The following COPG2 variants were observed in gnomAD, a reference collection of about 807,000 sequenced individuals.
COPG2 encodes coatomer subunit gamma-2.
In COPG2, 37 loss-of-function variants were observed where a neutral mutation model predicts 46.3. The ratio of observed to expected loss-of-function variants is 0.80; its 90% confidence interval spans 0.61 to 1.05. COPG2 has a LOEUF of 1.05. Among genes scored for constraint, COPG2 ranks in the 50% least tolerant of loss-of-function variants. The pLI, the probability that COPG2 is intolerant of heterozygous loss-of-function variation, is 0.00. For synonymous variants in COPG2, 159 were observed against 129.7 expected (o/e 1.23, Z -1.53); for missense variants, 427 against 387.8 (o/e 1.10, Z -0.85).
intron 9 of COPG2, chr7:130,564,621 A>C (rs947708337): frequency 2.9e-6 from 1 of 349,786 alleles, no homozygotes; most frequent in Non-Finnish European, 5.1e-6. Flanking sequence ...CTGAACATCT[A>C]TTTAAGAAAA....
chr7:130,531,232 A>G (rs1799822250), intron 20 of COPG2, among the ~76,000 whole-genome samples: 3 of 151,170 alleles, frequency 2.0e-5, no homozygotes, highest in African/African-American at 7.3e-5. Context: ...AGCCCCCAGC[A>G]TTGAGAACAC....
At chr7:130,576,404 C>T (rs1324612464) in intron 9 of COPG2, among the ~76,000 whole-genome samples, 1 of 152,140 alleles carries the variant, frequency 6.6e-6, no homozygotes, top group Non-Finnish European at 1.5e-5. Context: ...TGGAAATCAA[C>T]TCCAAAAGGA....
chr7:130,666,790 G>GA (rs1405525059), intron 3 of COPG2, 59 bp downstream of exon 3: 33 of 754,298 alleles, frequency 4.4e-5, no homozygotes, highest in Non-Finnish European at 6.4e-5. Flanking sequence ...GTATTTCACT[G>GA]AATCTTCAGT....
intron 20 of COPG2, among the ~76,000 whole-genome samples, chr7:130,534,164 A>T (rs987282294): frequency 3.3e-4 from 50 of 152,272 alleles, no homozygotes; most frequent in African/African-American, 1.2e-3. Flanking sequence ...GAGCCTGGGC[A>T]TTTTTGCAAA....
At chr7:130,547,998 G>C (rs1793472831) in intron 19 of COPG2, among the ~76,000 whole-genome samples, 153 bp from the exon 20 acceptor site, 1 of 152,190 alleles carries the variant, frequency 6.6e-6, no homozygotes, top group African/African-American at 2.4e-5. Flanking sequence ...AACAGGGAGA[G>C]CCTTATTCTT....
intron 9 of COPG2, among the ~76,000 whole-genome samples, chr7:130,568,334 G>A (rs952157678): frequency 6.6e-6 from 1 of 152,020 alleles, no homozygotes; most frequent in Admixed American, 6.6e-5. Context: ...TAACACATAA[G>A]GACTCACATA....
At chr7:130,609,030 C>G (rs573847661) in intron 9 of COPG2, among the ~76,000 whole-genome samples, 1 of 152,190 alleles carries the variant, frequency 6.6e-6, no homozygotes, top group South Asian at 2.1e-4. Flanking sequence ...GCCTGCGTCA[C>G]CATGCCTGGC....
rs972902021 is a variant in COPG2, at chr7:130,548,561, G to A, written c.1838-19C>T. On this transcript the variant is annotated intron_variant, in intron 18 of 23. Coordinates refer to ENST00000425248, the MANE Select transcript of COPG2 (RefSeq NM_012133.6). ...AATTGTTCTATCAAGAAAAAAGAAC[G>A]TAGGCTATGAAGAAGACAGGGAAAG... 1,193 of 398,478 alleles carry A rather than the reference G, an allele frequency of 3.0e-3. 15 individuals carry two copies. The highest frequency in any genetic ancestry group is 2.7e-4 in the Non-Finnish European group (62 of 225,982). The allele number at this position is 398,478 out of a possible 1,614,324, so 24.7% of individuals were successfully genotyped here. A position where few individuals can be genotyped will look rare whatever the true frequency, so the allele number is the denominator to read the frequency against.
At position 130,633,048 on chromosome 7, in the gene COPG2, T is replaced by G. The variant is rs545145155; in HGVS notation, c.324-15983A>C. Among the ~76,000 whole-genome samples, 15 of 152,340 alleles carry G rather than the reference T, an allele frequency of 9.8e-5. 2 individuals are homozygous for G. In the South Asian group the frequency reaches 2.9e-3, roughly 29 times the overall value. ...CTGAGAATGATGGTTTCCAGCTTTA[T>G]CCATGTCCCTGCAAAGGACATGAAC... On this transcript the variant is annotated intron_variant, in intron 5 of 23. Transcript: ENST00000425248.
chr7:130,599,642 G>GA (rs1258795762), intron 9 of COPG2, among the ~76,000 whole-genome samples: 12 of 144,502 alleles, frequency 8.3e-5, no homozygotes, highest in African/African-American at 1.3e-4. Flanking sequence ...TTCACTAGAA[G>GA]AAAAAAAAAA....
At chr7:130,573,417 C>T (rs1399496889) in intron 9 of COPG2, among the ~76,000 whole-genome samples, 2 of 151,930 alleles carry the variant, frequency 1.3e-5, no homozygotes. Flanking sequence ...GTACAATCTC[C>T]CTTCTACCAA....
At chr7:130,509,033 A>C (rs782060538) in intron 20 of COPG2, 2 of 477,926 alleles carry the variant, frequency 4.2e-6, no homozygotes, top group African/African-American at 2.0e-5. Flanking sequence ...CTGACCAAAA[A>C]AAAAAACAAA....
intron 20 of COPG2, among the ~76,000 whole-genome samples, chr7:130,520,341 G>A (rs1422286360): frequency 2.0e-5 from 3 of 152,128 alleles, no homozygotes; most frequent in Non-Finnish European, 4.4e-5. Context: ...AAAGGAAAAG[G>A]GAGAGGAGAA....
intron 20 of COPG2, among the ~76,000 whole-genome samples, chr7:130,513,402 T>TAC (rs1563034292): frequency 1.5e-5 from 2 of 131,102 alleles, no homozygotes; most frequent in Non-Finnish European, 3.2e-5. Context: ...TATATATATA[T>TAC]ACACATATAC....
chr7:130,645,834 C>T (rs1554458094), intron 5 of COPG2, among the ~76,000 whole-genome samples: 1 of 152,148 alleles, frequency 6.6e-6, no homozygotes, highest in Admixed American at 6.5e-5. Flanking sequence ...TCTAAATACT[C>T]TCATAATAAG....
At position 130,621,215 on chromosome 7, in the gene COPG2, G is replaced by A. The variant is rs577287017; in HGVS notation, c.324-4150C>T. 7.2e-5 allele frequency among the ~76,000 whole-genome samples: 11 copies of A among 152,326 alleles called. No homozygotes were observed. The South Asian group carries it at 2.3e-3, about 32-fold the overall frequency. On this transcript the variant is annotated intron_variant, in intron 5 of 23. Transcript: ENST00000425248. Reference sequence around the variant, plus strand: ...GATTTTGCCCTAGAGCCTGCAGAAGGAACCTGCTCTGCCTATACTTCTGAC... The same window carrying A: ...GATTTTGCCCTAGAGCCTGCAGAAGAAACCTGCTCTGCCTATACTTCTGAC...
chr7:130,558,110 T>G (rs1793661121), intron 12 of COPG2, among the ~76,000 whole-genome samples: 1 of 152,100 alleles, frequency 6.6e-6, no homozygotes, highest in Non-Finnish European at 1.5e-5. Flanking sequence ...CTTTCAGCTT[T>G]CCCGTCTACA....
rs1420429897 is a variant in COPG2, at chr7:130,513,305, AAAAATATATATATATATAT to A, written c.2150-4665_2150-4647del. 7.5e-3 allele frequency among the ~76,000 whole-genome samples: 375 copies of A among 50,020 alleles called. 12 individuals are homozygous for A. Among genetic ancestry groups the A allele is most frequent in the African/African-American group, 0.031 (354 of 11,428 alleles). The allele number at this position is 50,020 out of a possible 152,430, so 32.8% of individuals were successfully genotyped here. On this transcript the variant is annotated intron_variant, in intron 20 of 23. Transcript: ENST00000425248. ...TAATTCTGTCTAAAAAAAAAAAAAAAAAAATATATATATATATATATATATATATATATATATGTGTGTG... is the reference window on the plus strand; with the variant it reads ...TAATTCTGTCTAAAAAAAAAAAAAAAATATATATATATATATATGTGTGTG...
chr7:130,651,931 T>A (rs1167061512), intron 5 of COPG2, among the ~76,000 whole-genome samples: 3 of 152,216 alleles, frequency 2.0e-5, no homozygotes, highest in Non-Finnish European at 4.4e-5. Context: ...ATTACAGGCA[T>A]GAGCCACCAT....
Sources: gnomAD v4.1 joint callset for allele counts (sites outside exome capture counted in the v4.1 genomes callset) on GRCh38, gnomAD v4.1.1 for gene constraint, MANE v1.5 for transcripts, NCBI Gene and HGNC (gene_info 2026-07-23, HGNC 2026-07-21) for gene names.